ZFR: variants seen among roughly 807,000 people sequenced by gnomAD.
The protein encoded by ZFR is zinc finger RNA binding protein, also known as zinc finger RNA-binding protein.
A neutral mutation model predicts 130.7 loss-of-function variants in ZFR; 19 were observed. The observed-to-expected ratio is 0.15, with a 90% CI of 0.10 to 0.21. ZFR has a LOEUF of 0.21. Ranked by LOEUF, ZFR falls within the 10% of genes least tolerant of loss-of-function variation. The pLI is 1.00. For missense variants in ZFR, 872 were observed against 1,321.5 expected, an observed-to-expected ratio of 0.66 and a Z score of 5.27; for synonymous variants, 466 against 456.9, an observed-to-expected ratio of 1.02 and a Z score of -0.25.
chr5:32,359,827 G>A (rs1752392134), intron 19 of ZFR, among the ~76,000 whole-genome samples: 1 of 152,040 alleles, frequency 6.6e-6, no homozygotes, highest in South Asian at 2.1e-4. Flanking sequence ...GCACATGCCT[G>A]TAATCCCAGC....
intron 15 of ZFR, among the ~76,000 whole-genome samples, chr5:32,384,858 GACTC>G (rs1269083694): frequency 1.3e-5 from 2 of 152,100 alleles, no homozygotes; most frequent in Non-Finnish European, 2.9e-5. Flanking sequence ...ATTGTGCTGT[GACTC>G]ACTATCTACA....
chr5:32,387,714 AATTAT>A lies in ZFR; in HGVS notation c.2349-20_2349-16del. 1 of 1,596,990 alleles carries A rather than the reference AATTAT, an allele frequency of 6.3e-7. No individual in the cohort carries two copies. Among genetic ancestry groups the A allele is most frequent in the Non-Finnish European group, 8.5e-7 (1 of 1,170,586 alleles). On this transcript the variant is annotated splice_polypyrimidine_tract_variant and intron_variant, in intron 13 of 19. Coordinates refer to ENST00000265069, the MANE Select transcript of ZFR (RefSeq NM_016107.5). ...CTTTCAAAGCTCTGCAGTAAAATAAAATTATATTATGATATTTCTCTGCTTAACCA... is the reference window on the plus strand; with the variant it reads ...CTTTCAAAGCTCTGCAGTAAAATAAAATTATGATATTTCTCTGCTTAACCA...
At chr5:32,423,999 T>A (rs1355381267) in intron 2 of ZFR, among the ~76,000 whole-genome samples, 1 of 152,208 alleles carries the variant, frequency 6.6e-6, no homozygotes, top group African/African-American at 2.4e-5. Context: ...AACCTTTTCT[T>A]AGGAAGCTAC....
intron 19 of ZFR, among the ~76,000 whole-genome samples, chr5:32,356,699 G>A (rs1010590772): frequency 1.3e-5 from 2 of 152,070 alleles, no homozygotes; most frequent in Non-Finnish European, 1.5e-5. Flanking sequence ...GATTACAGGC[G>A]TGAGCCACTG....
intron 19 of ZFR, among the ~76,000 whole-genome samples, chr5:32,363,167 T>C (rs1013370229): frequency 6.6e-6 from 1 of 152,160 alleles, no homozygotes; most frequent in Non-Finnish European, 1.5e-5. Flanking sequence ...AGATCTTAAA[T>C]CCAACAACTC....
chr5:32,379,833 T>TA (rs1752897520), intron 16 of ZFR: 3 of 353,912 alleles, frequency 8.5e-6, no homozygotes, highest in Non-Finnish European at 1.5e-5. Flanking sequence ...CCACTAAAAA[T>TA]AAAAAATAAA....
intron 5 of ZFR, among the ~76,000 whole-genome samples, chr5:32,412,541 A>C (rs969262092): frequency 6.6e-6 from 1 of 152,210 alleles, no homozygotes. Flanking sequence ...CACCAAATAC[A>C]TACAAAGCCC....
intron 11 of ZFR, among the ~76,000 whole-genome samples, chr5:32,390,928 T>C (rs907176861): frequency 6.6e-6 from 1 of 152,228 alleles, no homozygotes; most frequent in African/African-American, 2.4e-5. Flanking sequence ...TTGGGAATTA[T>C]GGTAAAGAAC....
At chr5:32,400,912 T>C (rs1354222931) in intron 8 of ZFR, among the ~76,000 whole-genome samples, 1 of 152,140 alleles carries the variant, frequency 6.6e-6, no homozygotes, top group Non-Finnish European at 1.5e-5. Context: ...AAAGTTAAGT[T>C]CAATGATTAG....
intron 2 of ZFR, among the ~76,000 whole-genome samples, chr5:32,423,049 TAAAA>T (rs1753991240): frequency 6.6e-6 from 1 of 151,626 alleles, no homozygotes; most frequent in Non-Finnish European, 1.5e-5. Flanking sequence ...TCTTACTGCT[TAAAA>T]AAATAACAGT....
intron 6 of ZFR, among the ~76,000 whole-genome samples, chr5:32,405,726 C>T (rs1197350586): frequency 6.6e-6 from 1 of 152,178 alleles, no homozygotes; most frequent in East Asian, 1.9e-4. Flanking sequence ...GCAAACATTT[C>T]CTACCTGTGC....
intron 13 of ZFR, among the ~76,000 whole-genome samples, chr5:32,387,943 C>T (rs1416280409): frequency 6.6e-6 from 1 of 151,836 alleles, no homozygotes; most frequent in Non-Finnish European, 1.5e-5. Context: ...ATTAACACTT[C>T]TGTTTCTTAT....
chr5:32,363,078 C>T (rs1002300620), intron 19 of ZFR, among the ~76,000 whole-genome samples: 1 of 152,166 alleles, frequency 6.6e-6, no homozygotes, highest in African/African-American at 2.4e-5. Flanking sequence ...CTCTCTCTCC[C>T]CCAATACCAT....
rs182016152 is a variant in ZFR at position 32,415,843 on chromosome 5, T to C, written c.566-656A>G. ...TTTTGAAAGAGTCTTAGAAGCCTTA[T>C]GACTAAATTAATAATCACTTGTAAA... On this transcript the variant is annotated intron_variant, in intron 4 of 19. Transcript: ENST00000265069. Among the ~76,000 whole-genome samples the C allele has an allele frequency of 4.2e-4, 64 of 152,314 alleles. No individual in the cohort carries two copies. In the East Asian group the frequency reaches 0.012, roughly 28 times the overall value.
At chr5:32,356,444 G>A (rs1224231696) in intron 19 of ZFR, among the ~76,000 whole-genome samples, 4 of 152,094 alleles carry the variant, frequency 2.6e-5, no homozygotes, top group East Asian at 1.9e-4. Context: ...ACAGAGTCTC[G>A]CTCTGTTGCC....
chr5:32,410,712 C>A (rs536691431), intron 5 of ZFR, among the ~76,000 whole-genome samples: 40 of 152,242 alleles, frequency 2.6e-4, no homozygotes, highest in African/African-American at 9.4e-4. Context: ...GTAGTAAATT[C>A]ATCATGCTAC....
intron 17 of ZFR, among the ~76,000 whole-genome samples, chr5:32,373,146 G>A (rs774268308): frequency 1.3e-5 from 2 of 152,194 alleles, no homozygotes; most frequent in Non-Finnish European, 2.9e-5. Context: ...TGTAATCCCA[G>A]CACTTTGGGA....
At chr5:32,384,914 G>C (rs969652774) in intron 15 of ZFR, among the ~76,000 whole-genome samples, 1 of 151,928 alleles carries the variant, frequency 6.6e-6, no homozygotes, top group Non-Finnish European at 1.5e-5. Flanking sequence ...GTGATATTAG[G>C]GTCAAATGTC....
intron 17 of ZFR, among the ~76,000 whole-genome samples, chr5:32,367,432 T>C (rs1024234218): frequency 8.2e-5 from 12 of 146,432 alleles, no homozygotes; most frequent in Admixed American, 2.9e-4. Flanking sequence ...TGAAACTCCA[T>C]CTCAAAAATA....
Sources: gnomAD v4.1 joint callset for allele counts (sites outside exome capture counted in the v4.1 genomes callset) on GRCh38, gnomAD v4.1.1 for gene constraint, MANE v1.5 for transcripts, NCBI Gene and HGNC (gene_info 2026-07-23, HGNC 2026-07-21) for gene names.